PRELID2: variants seen among roughly 807,000 people sequenced by gnomAD.
PRELID2 encodes the protein PRELI domain-containing protein 2.
In PRELID2, 25 loss-of-function variants were observed where a neutral mutation model predicts 28.4. The ratio of observed to expected loss-of-function variants is 0.88; its 90% confidence interval spans 0.64 to 1.23. PRELID2 has a LOEUF of 1.23. PRELID2 is among the 50% of genes most tolerant of loss of function. The probability of loss-of-function intolerance (pLI) is 0.00; values close to 1 mark genes in which losing one functional copy is unlikely to be tolerated. For synonymous variants in PRELID2, 76 were observed against 71.6 expected, an observed-to-expected ratio of 1.06 and a Z score of -0.31; for missense variants, 201 against 214.4, an observed-to-expected ratio of 0.94 and a Z score of 0.39.
chr5:145,489,789 A>G (rs1410133545), intron 1 of PRELID2, among the ~76,000 whole-genome samples: 1 of 152,216 alleles, frequency 6.6e-6, no homozygotes, highest in East Asian at 1.9e-4. Context: ...AGGGAGAATT[A>G]ACTGATCTCT....
chr5:145,422,130 G>A, the PRELID2 span, among the ~76,000 whole-genome samples: 1 of 143,102 alleles, frequency 7.0e-6, no homozygotes, highest in African/African-American at 2.6e-5. Context: ...TTTTACATTT[G>A]CTGAGGAGAG....
intron 1 of PRELID2, among the ~76,000 whole-genome samples, chr5:145,607,666 G>A (rs1263996408): frequency 6.6e-6 from 1 of 152,054 alleles, no homozygotes; most frequent in Non-Finnish European, 1.5e-5. Context: ...GGCTGATTGT[G>A]TGATCATTTT....
the PRELID2 span, among the ~76,000 whole-genome samples, chr5:145,286,957 G>C: frequency 6.6e-6 from 1 of 152,148 alleles, no homozygotes; most frequent in South Asian, 2.1e-4. Flanking sequence ...TGATCTGCCC[G>C]CCTCAGCCTC....
At chr5:145,538,192 C>T (rs368522975) in intron 1 of PRELID2, among the ~76,000 whole-genome samples, 95 of 151,846 alleles carry the variant, frequency 6.3e-4, no homozygotes, top group African/African-American at 2.2e-3. Context: ...GTTTCATTGT[C>T]CACTATGTCC....
At chr5:145,424,620 A>T in the PRELID2 span, among the ~76,000 whole-genome samples, 5 of 152,032 alleles carry the variant, frequency 3.3e-5, no homozygotes, top group South Asian at 1.0e-3. Flanking sequence ...GCACCCACTG[A>T]CCGGCACTCC....
intron 2 of PRELID2, 23 bp downstream of exon 2, chr5:145,823,053 GA>G: frequency 7.9e-7 from 1 of 1,268,336 alleles, no homozygotes; most frequent in Non-Finnish European, 1.2e-6. Flanking sequence ...GATCATTACT[GA>G]AAAAACTGTA....
intron 1 of PRELID2, among the ~76,000 whole-genome samples, chr5:145,690,368 C>A (rs1755123678): frequency 6.6e-6 from 1 of 152,128 alleles, no homozygotes; most frequent in African/African-American, 2.4e-5. Context: ...ATATGACAGC[C>A]TTGAGCCAAT....
At chr5:145,689,400 C>A (rs1333957700) in intron 1 of PRELID2, among the ~76,000 whole-genome samples, 1 of 152,206 alleles carries the variant, frequency 6.6e-6, no homozygotes, top group Non-Finnish European at 1.5e-5. Context: ...CAGAAAGGAA[C>A]AAGGCCCTGT....
the PRELID2 span, among the ~76,000 whole-genome samples, chr5:145,323,706 C>A: frequency 8.9e-4 from 135 of 152,206 alleles, 2 homozygotes; most frequent in African/African-American, 3.1e-3. Context: ...AAAATGAGAA[C>A]CTATGGCATT....
At chr5:145,339,313 G>A in the PRELID2 span, among the ~76,000 whole-genome samples, 12 of 152,234 alleles carry the variant, frequency 7.9e-5, no homozygotes, top group African/African-American at 2.9e-4. Flanking sequence ...AGCTTGCTCA[G>A]CCAGGATTGG....
the PRELID2 span, among the ~76,000 whole-genome samples, chr5:145,418,679 G>C: frequency 6.6e-6 from 1 of 152,122 alleles, no homozygotes; most frequent in Non-Finnish European, 1.5e-5. Context: ...GGGAGAACTG[G>C]TTAGCCATAT....
intron 4 of PRELID2, 80 bp downstream of exon 4, chr5:145,817,814 G>T: frequency 1.7e-6 from 2 of 1,205,898 alleles, no homozygotes; most frequent in Non-Finnish European, 2.2e-6. Flanking sequence ...CATAAGTATA[G>T]AACCATAGAT....
chr5:145,789,249 C>T (rs1365660120), intron 5 of PRELID2, among the ~76,000 whole-genome samples: 1 of 152,058 alleles, frequency 6.6e-6, no homozygotes, highest in Admixed American at 6.6e-5. Context: ...TTTCAAAATA[C>T]ATTACAAACC....
the PRELID2 span, among the ~76,000 whole-genome samples, chr5:145,349,242 C>A: frequency 1.3e-4 from 20 of 152,002 alleles, no homozygotes; most frequent in Non-Finnish European, 1.5e-4. Flanking sequence ...TCAACTAAAC[C>A]CCCTTTTTGA....
At chr5:145,655,181 C>A (rs1291183489) in intron 1 of PRELID2, among the ~76,000 whole-genome samples, 8 of 151,790 alleles carry the variant, frequency 5.3e-5, no homozygotes, top group Admixed American at 5.3e-4. Context: ...ACCTAGGAAT[C>A]CAACTTACAA....
chr5:145,442,838 A>T, the PRELID2 span, among the ~76,000 whole-genome samples: 1 of 152,036 alleles, frequency 6.6e-6, no homozygotes, highest in Non-Finnish European at 1.5e-5. Context: ...GTTGCAACAA[A>T]AGCTGGTTAC....
intron 1 of PRELID2, among the ~76,000 whole-genome samples, chr5:145,523,244 C>T (rs980974848): frequency 1.3e-5 from 2 of 152,162 alleles, no homozygotes; most frequent in Admixed American, 1.3e-4. Flanking sequence ...AAATCATCAT[C>T]TAACAGATGC....
chr5:145,478,623 A>T (rs778770934), intron 1 of PRELID2, among the ~76,000 whole-genome samples: 1 of 152,168 alleles, frequency 6.6e-6, no homozygotes, highest in Non-Finnish European at 1.5e-5. Flanking sequence ...CATTGAAATG[A>T]TAGTTTCTGG....
At chr5:145,412,883 T>C in the PRELID2 span, among the ~76,000 whole-genome samples, 1 of 152,146 alleles carries the variant, frequency 6.6e-6, no homozygotes, top group African/African-American at 2.4e-5. Flanking sequence ...GGAGACAGAA[T>C]GAGTGCTGAG....
Sources: gnomAD v4.1 joint callset for allele counts (sites outside exome capture counted in the v4.1 genomes callset) on GRCh38, gnomAD v4.1.1 for gene constraint, MANE v1.5 for transcripts, NCBI Gene and HGNC (gene_info 2026-07-23, HGNC 2026-07-21) for gene names.